CCDC102B: variants seen among roughly 807,000 people sequenced by gnomAD.
The protein encoded by CCDC102B is coiled-coil domain containing 102B, also known as coiled-coil domain-containing protein 102B.
Under a neutral mutation model 57.4 loss-of-function variants are expected in CCDC102B, and 75 were observed. The ratio of observed to expected loss-of-function variants is 1.31; its 90% confidence interval spans 1.08 to 1.58. CCDC102B has a LOEUF of 1.58. CCDC102B is among the 40% of genes most tolerant of loss of function. The pLI is 0.00. For synonymous variants in CCDC102B, 206 were observed against 201.9 expected (o/e 1.02, Z -0.17); for missense variants, 636 against 582.6 (o/e 1.09, Z -0.94).
At chr18:68,829,181 C>G (rs917091953) in intron 1 of CCDC102B, among the ~76,000 whole-genome samples, 1 of 151,930 alleles carries the variant, frequency 6.6e-6, no homozygotes, top group South Asian at 2.1e-4. Context: ...TTTGGTCATG[C>G]TATTTACAGT....
upstream of CCDC102B, among the ~76,000 whole-genome samples, chr18:68,796,517 G>A (rs563165704): frequency 6.6e-6 from 1 of 152,222 alleles, no homozygotes; most frequent in African/African-American, 2.4e-5. Flanking sequence ...AGATATTTGG[G>A]AGTCATCTAA....
intron 2 of CCDC102B, among the ~76,000 whole-genome samples, chr18:68,747,757 T>C (rs982058007): frequency 2.0e-5 from 3 of 152,188 alleles, no homozygotes; most frequent in Non-Finnish European, 2.9e-5. Context: ...TCACATTTTT[T>C]CCGTTCATCT....
At chr18:68,886,207 A>C (rs2039878230) in intron 5 of CCDC102B, among the ~76,000 whole-genome samples, 1 of 151,986 alleles carries the variant, frequency 6.6e-6, no homozygotes, top group South Asian at 2.1e-4. Flanking sequence ...TGCTTATCTC[A>C]CTGGATATTC....
chr18:68,797,752 C>A, upstream of CCDC102B, among the ~76,000 whole-genome samples: 1 of 130,144 alleles, frequency 7.7e-6, no homozygotes, highest in South Asian at 2.4e-4. Flanking sequence ...TAGGTACTTC[C>A]TGGGCTTTTT....
At chr18:68,974,933 T>G (rs1485130065) in intron 6 of CCDC102B, among the ~76,000 whole-genome samples, 2 of 151,982 alleles carry the variant, frequency 1.3e-5, no homozygotes, top group African/African-American at 4.8e-5. Flanking sequence ...TTACATAGGC[T>G]TTTTTAAATA....
At position 68,857,277 on chromosome 18, in the gene CCDC102B, A is replaced by T. The variant is rs867801702; in HGVS notation, c.936+10856A>T. ...TATTTAAATATATAAATATATATAT[A>T]ATATATATTTATATATTATATATAT... On this transcript the variant is annotated intron_variant, in intron 4 of 7. Transcript: ENST00000360242. Among the ~76,000 whole-genome samples, 17 of 16,636 alleles carry T rather than the reference A, an allele frequency of 1.0e-3. No homozygotes were observed. The East Asian group carries it at 0.012, about 12-fold the overall frequency. 10.9% of individuals were successfully genotyped at this position (16,636 alleles called of 152,430 possible). A position where few individuals can be genotyped will look rare whatever the true frequency, so the allele number is the denominator to read the frequency against.
intron 2 of CCDC102B, among the ~76,000 whole-genome samples, chr18:68,723,320 C>T (rs573512637): frequency 3.3e-5 from 5 of 152,184 alleles, no homozygotes; most frequent in African/African-American, 1.2e-4. Flanking sequence ...CTGCCCCTTG[C>T]CCCTCCCAAA....
chr18:68,956,560 ATAT>A (rs2049898020), intron 6 of CCDC102B, among the ~76,000 whole-genome samples: 1 of 5,322 alleles, frequency 1.9e-4, no homozygotes, highest in African/African-American at 4.5e-4. Flanking sequence ...AATATTATAT[ATAT>A]TATATATTTT....
At chr18:68,721,561 T>C (rs1170767313) in intron 2 of CCDC102B, 1 of 152,166 alleles carries the variant, frequency 6.6e-6, no homozygotes, top group Non-Finnish European at 1.5e-5. Flanking sequence ...TCCTGACTCA[T>C]TTTTTGCTAA....
intron 1 of CCDC102B, among the ~76,000 whole-genome samples, chr18:68,817,923 A>G (rs904143216): frequency 1.3e-5 from 2 of 152,220 alleles, no homozygotes; most frequent in Non-Finnish European, 2.9e-5. Flanking sequence ...TAGGATAACT[A>G]AAGCATGAAT....
chr18:68,918,948 A>G (rs938251876), intron 6 of CCDC102B, among the ~76,000 whole-genome samples: 1 of 152,084 alleles, frequency 6.6e-6, no homozygotes, highest in Non-Finnish European at 1.5e-5. Context: ...GTTTTTAGCT[A>G]TCGAATATGT....
At chr18:68,912,525 G>A (rs959344664) in intron 6 of CCDC102B, among the ~76,000 whole-genome samples, 1 of 152,166 alleles carries the variant, frequency 6.6e-6, no homozygotes, top group Non-Finnish European at 1.5e-5. Context: ...AGTTGTGTCA[G>A]CACAAACTAA....
chr18:69,023,182 A>T (rs1188833753), intron 7 of CCDC102B, among the ~76,000 whole-genome samples: 1 of 152,096 alleles, frequency 6.6e-6, no homozygotes, highest in Non-Finnish European at 1.5e-5. Context: ...TGACAAATGC[A>T]CTTCCTAGTT....
chr18:68,790,572 G>GA (rs2035416413), intron 2 of CCDC102B, among the ~76,000 whole-genome samples: 1 of 152,206 alleles, frequency 6.6e-6, no homozygotes, highest in Non-Finnish European at 1.5e-5. Context: ...GCAGTATTCG[G>GA]GTGGGAGTGA....
At chr18:69,009,804 T>C (rs942068333) in intron 6 of CCDC102B, among the ~76,000 whole-genome samples, 1 of 151,712 alleles carries the variant, frequency 6.6e-6, no homozygotes, top group Admixed American at 6.6e-5. Context: ...GTGATTTTTG[T>C]ATATAAAGTA....
chr18:69,048,894 TTTTATTTATTTTTA>T (rs1227334097), intron 7 of CCDC102B, among the ~76,000 whole-genome samples: 2 of 152,062 alleles, frequency 1.3e-5, no homozygotes, highest in Admixed American at 6.6e-5. Context: ...TTTCTTGCAA[TTTTATTTATTTTTA>T]TTTATTTATT....
At chr18:68,718,229 G>A (rs190078472) in intron 2 of CCDC102B, 1 of 152,310 alleles carries the variant, frequency 6.6e-6, no homozygotes, top group Non-Finnish European at 1.5e-5. Context: ...TCTATAGCAG[G>A]ACAGTTTGTA....
intron 1 of CCDC102B, among the ~76,000 whole-genome samples, chr18:68,799,753 A>G (rs1344815989): frequency 6.6e-6 from 1 of 152,220 alleles, no homozygotes; most frequent in Non-Finnish European, 1.5e-5. Flanking sequence ...GTAATTGGCA[A>G]AAAGGGTTTT....
chr18:68,994,602 A>T lies in CCDC102B; in HGVS notation c.1264-16332A>T, dbSNP rs8089350. Among the ~76,000 whole-genome samples, 3 of 151,762 alleles carry T rather than the reference A, an allele frequency of 2.0e-5. No homozygotes were observed. The South Asian group carries it at 6.3e-4, about 32-fold the overall frequency. On this transcript the variant is annotated intron_variant, in intron 6 of 7. Transcript: ENST00000360242. Reference sequence around the variant, plus strand: ...TTTTCGCCCTTGTGGTTCTTCTGACAGTGAGTTCTCACAAGATCTGATGGT... The same window carrying T: ...TTTTCGCCCTTGTGGTTCTTCTGACTGTGAGTTCTCACAAGATCTGATGGT...
Sources: allele counts gnomAD v4.1 joint callset (sites outside exome capture counted in the v4.1 genomes callset), GRCh38; gene constraint gnomAD v4.1.1; transcripts MANE v1.5; gene names NCBI Gene and HGNC (gene_info 2026-07-23, HGNC 2026-07-21).